Variants in TRAPPC9 observed in about 807,000 individuals in gnomAD.
TRAPPC9 encodes IKK2 binding protein.
Under a neutral mutation model 124.0 loss-of-function variants are expected in TRAPPC9, and 83 were observed. The observed-to-expected ratio is 0.67, with a 90% CI of 0.56 to 0.80. TRAPPC9 has a LOEUF of 0.80. Among genes scored for constraint, TRAPPC9 ranks in the 30% least tolerant of loss-of-function variants. The probability of loss-of-function intolerance (pLI) is 0.00; values close to 1 mark genes in which losing one functional copy is unlikely to be tolerated. For synonymous variants in TRAPPC9, 638 were observed against 617.5 expected (o/e 1.03, Z -0.49); for missense variants, 1,302 against 1,508.3 (o/e 0.86, Z 2.27).
intron 17 of TRAPPC9, among the ~76,000 whole-genome samples, chr8:140,045,649 A>AAAAAAAAAAC (rs1841546210): frequency 6.9e-6 from 1 of 143,962 alleles, no homozygotes; most frequent in African/African-American, 2.6e-5. Flanking sequence ...AAAAAAAAAA[A>AAAAAAAAAAC]AAAAAAAAAA....
rs893626628 is a variant in TRAPPC9, at chr8:140,457,568, G to C, written c.-11+71C>G. The C allele has an allele frequency of 9.2e-6, 9 of 980,562 alleles. No homozygotes were observed. In the African/African-American group the frequency reaches 1.2e-4, roughly 13 times the overall value. 60.7% of individuals were successfully genotyped at this position (980,562 alleles called of 1,614,324 possible). A position where few individuals can be genotyped will look rare whatever the true frequency, so the allele number is the denominator to read the frequency against. On this transcript the variant is annotated intron_variant, in intron 1 of 22. Transcript: ENST00000438773. Reference sequence around the variant, plus strand: ...CCTCCGCGGGACGCGCCGACTCCACGGCCAGCCGCGCAGCCCTCCCCGCAG... The same window carrying C: ...CCTCCGCGGGACGCGCCGACTCCACCGCCAGCCGCGCAGCCCTCCCCGCAG...
intron 11 of TRAPPC9, among the ~76,000 whole-genome samples, chr8:140,295,217 A>ATTGG (rs2065774116): frequency 6.6e-6 from 1 of 152,252 alleles, no homozygotes; most frequent in South Asian, 2.1e-4. Context: ...CATCCCCAGC[A>ATTGG]CATAGCACAG....
rs191103293 is a variant in TRAPPC9, at chr8:140,434,990, G to A, written c.859+122C>T. ...GTCTCAAAAAAAAAAAAAAATTACT[G>A]ACTCAACAGATTTTACAGTTTATTT... is the stretch of plus-strand genomic sequence containing the variant. On this transcript the variant is annotated intron_variant, in intron 4 of 22. Transcript: ENST00000438773. 1.2e-4 allele frequency: 177 copies of A among 1,441,648 alleles called. No homozygotes were observed. In the East Asian group the frequency reaches 2.8e-3, roughly 23 times the overall value. The allele number at this position is 1,441,648 out of a possible 1,614,324, so 89.3% of individuals were successfully genotyped here.
Position 140,353,050 on chromosome 8 carries a change from A to G in TRAPPC9, c.1495+7000T>C, listed in dbSNP as rs2067634207. ...GGTAGACGCAAAAACCAAGACACAGATAGGGTTTTCGAGAAAACACCATCT... is the reference window on the plus strand; with the variant it reads ...GGTAGACGCAAAAACCAAGACACAGGTAGGGTTTTCGAGAAAACACCATCT... On this transcript the variant is annotated intron_variant, in intron 9 of 22. Transcript: ENST00000438773. This position sits in a 1 kb window ranked among gnomAD's most constrained non-coding sequence, Gnocchi z 4.2. Among the ~76,000 whole-genome samples, 1 of 152,196 alleles carries G rather than the reference A, an allele frequency of 6.6e-6. No homozygotes were observed. Among genetic ancestry groups the G allele is most frequent in the Admixed American group, 6.5e-5 (1 of 15,286 alleles).
At chr8:139,790,956 G>T (rs1035794792) in intron 21 of TRAPPC9, among the ~76,000 whole-genome samples, 1 of 152,002 alleles carries the variant, frequency 6.6e-6, no homozygotes, top group Non-Finnish European at 1.5e-5. Context: ...TATTGTGCCC[G>T]CTCTACCTTC....
chr8:139,997,869 CATCCCACACA>C (rs1838135124), intron 18 of TRAPPC9, among the ~76,000 whole-genome samples: 1 of 129,252 alleles, frequency 7.7e-6, no homozygotes. Context: ...AGAGACAATG[CATCCCACACA>C]GGGGAGACAA....
At chr8:140,246,575 T>C (rs1296775919) in intron 16 of TRAPPC9, among the ~76,000 whole-genome samples, 2 of 152,256 alleles carry the variant, frequency 1.3e-5, no homozygotes, top group Non-Finnish European at 2.9e-5. Flanking sequence ...ATTCAGATGA[T>C]AGAATGAGAT....
At chr8:140,375,363 T>C (rs1274220294) in intron 7 of TRAPPC9, among the ~76,000 whole-genome samples, 1 of 152,232 alleles carries the variant, frequency 6.6e-6, no homozygotes, top group Non-Finnish European at 1.5e-5. Context: ...CAAGGAGCTT[T>C]ATTCACAAGG....
intron 17 of TRAPPC9, among the ~76,000 whole-genome samples, chr8:140,158,063 T>C (rs1331649168): frequency 6.6e-6 from 1 of 152,242 alleles, no homozygotes; most frequent in African/African-American, 2.4e-5. Context: ...GTATTATAAA[T>C]AATGCTATAA....
At chr8:140,026,640 A>G (rs1257616281) in intron 17 of TRAPPC9, among the ~76,000 whole-genome samples, 1 of 152,064 alleles carries the variant, frequency 6.6e-6, no homozygotes, top group Non-Finnish European at 1.5e-5. Flanking sequence ...TCTTCTTTGG[A>G]GAAATTTCTA....
intron 21 of TRAPPC9, among the ~76,000 whole-genome samples, chr8:139,826,478 T>TG (rs150178911): frequency 6.6e-6 from 1 of 151,928 alleles, no homozygotes; most frequent in Non-Finnish European, 1.5e-5. Context: ...GGTCGGTGCC[T>TG]GGGGGGAACA....
At chr8:140,350,916 G>A (rs1460854627) in intron 9 of TRAPPC9, among the ~76,000 whole-genome samples, 1 of 152,148 alleles carries the variant, frequency 6.6e-6, no homozygotes, top group Non-Finnish European at 1.5e-5. Flanking sequence ...GTAACTGTGA[G>A]GGGTGTCCGG....
At chr8:140,014,564 C>G (rs1331479484) in intron 18 of TRAPPC9, among the ~76,000 whole-genome samples, 1 of 152,100 alleles carries the variant, frequency 6.6e-6, no homozygotes, top group Admixed American at 6.5e-5. Flanking sequence ...AGCTAAGAGG[C>G]TCACTCTCCC....
chr8:139,997,486 CATTCCACACA>C (rs1563676518), intron 18 of TRAPPC9, among the ~76,000 whole-genome samples: 1 of 75,728 alleles, frequency 1.3e-5, no homozygotes, highest in Admixed American at 1.5e-4. Context: ...GGAGACAATG[CATTCCACACA>C]GGGGAGACAA....
intron 21 of TRAPPC9, among the ~76,000 whole-genome samples, chr8:139,802,599 G>A (rs759115045): frequency 8.5e-5 from 13 of 152,194 alleles, no homozygotes; most frequent in Non-Finnish European, 1.9e-4. Context: ...CATAGTGATC[G>A]CAAGCTTTCA....
intron 18 of TRAPPC9, among the ~76,000 whole-genome samples, chr8:139,994,215 A>G (rs1837825301): frequency 6.6e-6 from 1 of 152,204 alleles, no homozygotes. Context: ...AGCAGAGGAG[A>G]AGGTGATGCC....
intron 17 of TRAPPC9, among the ~76,000 whole-genome samples, chr8:140,148,516 T>C (rs1004008083): frequency 3.9e-5 from 6 of 152,224 alleles, no homozygotes. Flanking sequence ...GTCATTTTAA[T>C]GTGCCACAAG....
chr8:140,384,761 G>A (rs1370730725), intron 7 of TRAPPC9, among the ~76,000 whole-genome samples: 4 of 152,082 alleles, frequency 2.6e-5, no homozygotes, highest in Admixed American at 6.6e-5. Flanking sequence ...ACAGATCAAC[G>A]AGACAGAAAG....
At chr8:139,938,448 C>G (rs528915060) in intron 19 of TRAPPC9, among the ~76,000 whole-genome samples, 1 of 151,702 alleles carries the variant, frequency 6.6e-6, no homozygotes, top group African/African-American at 2.4e-5. Flanking sequence ...CCATGCCCAG[C>G]TAATATTTTG....
Sources: allele counts gnomAD v4.1 joint callset (sites outside exome capture counted in the v4.1 genomes callset), GRCh38; gene constraint gnomAD v4.1.1; non-coding constraint Gnocchi (gnomAD v3.1); transcripts MANE v1.5; gene names NCBI Gene and HGNC (gene_info 2026-07-23, HGNC 2026-07-21).